YWHAE: variants seen among roughly 807,000 people sequenced by gnomAD.
YWHAE encodes tyrosine 3-monooxygenase/tryptophan 5-monooxygenase activation protein epsilon.
A neutral mutation model predicts 30.1 loss-of-function variants in YWHAE; 4 were observed. That is an observed-to-expected ratio of 0.13 (90% CI 0.07 to 0.30). The LOEUF is 0.30. YWHAE is among the 10% of genes least tolerant of loss of function. YWHAE has a pLI of 1.00. For synonymous variants in YWHAE, 118 were observed against 111.8 expected (o/e 1.06, Z -0.35); for missense variants, 121 against 315.9 (o/e 0.38, Z 4.68).
intron 1 of YWHAE, among the ~76,000 whole-genome samples, chr17:1,372,614 ATT>A (rs1438568630): frequency 1.3e-5 from 2 of 152,174 alleles, no homozygotes; most frequent in Non-Finnish European, 2.9e-5. Context: ...TAATTTAAAT[ATT>A]GTTATGTTTC....
At chr17:1,355,626 T>C (rs761329087) in intron 4 of YWHAE, among the ~76,000 whole-genome samples, 1 of 152,152 alleles carries the variant, frequency 6.6e-6, no homozygotes, top group Non-Finnish European at 1.5e-5. Flanking sequence ...TACTGAGTAC[T>C]GTGTACTATG....
chr17:1,386,573 A>T (rs1330387624), intron 1 of YWHAE, among the ~76,000 whole-genome samples: 2 of 152,236 alleles, frequency 1.3e-5, no homozygotes, highest in Non-Finnish European at 2.9e-5. Context: ...AAGGCTTTTC[A>T]AAAGACAATA....
At chr17:1,390,625 C>G (rs2073375585) in intron 1 of YWHAE, among the ~76,000 whole-genome samples, 1 of 152,168 alleles carries the variant, frequency 6.6e-6, no homozygotes, top group African/African-American at 2.4e-5. Flanking sequence ...GATAAGGAAC[C>G]CAGTGATTCC....
intron 1 of YWHAE, 139 bp from the exon 2 acceptor site, chr17:1,365,197 A>AT: frequency 9.8e-7 from 1 of 1,017,944 alleles, no homozygotes; most frequent in South Asian, 1.7e-5. Context: ...CAAAACTAAT[A>AT]TGAGTAAAAA....
At chr17:1,396,407 G>C (rs1258335429) in intron 1 of YWHAE, among the ~76,000 whole-genome samples, 3 of 152,180 alleles carry the variant, frequency 2.0e-5, no homozygotes, top group Non-Finnish European at 4.4e-5. Flanking sequence ...CTGGGAGACA[G>C]AGCGAGACTC....
chr17:1,353,461 G>GAA, intron 5 of YWHAE, among the ~76,000 whole-genome samples: 1 of 140,052 alleles, frequency 7.1e-6, no homozygotes, highest in Non-Finnish European at 1.5e-5. Flanking sequence ...GAAAAGAAAA[G>GAA]AAAAGAAAAG....
intron 1 of YWHAE, among the ~76,000 whole-genome samples, chr17:1,396,367 T>G (rs2073471456): frequency 6.6e-6 from 1 of 151,586 alleles, no homozygotes; most frequent in Non-Finnish European, 1.5e-5. Flanking sequence ...GAGGTTGCAG[T>G]GGGCCGAGAT....
intron 1 of YWHAE, chr17:1,399,277 G>A (rs1216394282): frequency 6.6e-6 from 1 of 152,158 alleles, no homozygotes; most frequent in Non-Finnish European, 1.5e-5. Context: ...CTGAGGAAAG[G>A]GAGGGAGTGA....
At chr17:1,359,903 G>C (rs2072829680) in intron 4 of YWHAE, among the ~76,000 whole-genome samples, 1 of 118,976 alleles carries the variant, frequency 8.4e-6, no homozygotes, top group Non-Finnish European at 1.7e-5. Context: ...GAGACGGGGA[G>C]AGAGAGGGAG....
chr17:1,373,403 C>T (rs1161612866), intron 1 of YWHAE, among the ~76,000 whole-genome samples: 1 of 151,252 alleles, frequency 6.6e-6, no homozygotes, highest in African/African-American at 2.4e-5. Flanking sequence ...GGTGGACTCA[C>T]GCCTGTAATC....
intron 1 of YWHAE, among the ~76,000 whole-genome samples, chr17:1,392,813 G>T (rs2073408572): frequency 6.6e-6 from 1 of 151,348 alleles, no homozygotes; most frequent in African/African-American, 2.4e-5. Context: ...TCACGCCACT[G>T]CACTCCAGCC....
chr17:1,388,983 T>G (rs2073349700), intron 1 of YWHAE, among the ~76,000 whole-genome samples: 1 of 152,224 alleles, frequency 6.6e-6, no homozygotes, highest in Non-Finnish European at 1.5e-5. Flanking sequence ...CTTTCCTTTT[T>G]GAGACAGGGT....
intron 1 of YWHAE, among the ~76,000 whole-genome samples, chr17:1,393,950 C>CA (rs1430975636): frequency 2.0e-5 from 3 of 152,090 alleles, no homozygotes; most frequent in Non-Finnish European, 4.4e-5. Context: ...GTCTACAATT[C>CA]ACCATGGATA....
intron 1 of YWHAE, among the ~76,000 whole-genome samples, chr17:1,378,288 C>G (rs1034421346): frequency 1.3e-5 from 2 of 152,212 alleles, no homozygotes; most frequent in African/African-American, 4.8e-5. Context: ...TATGAGAATG[C>G]TCAGGAATTG....
intron 1 of YWHAE, among the ~76,000 whole-genome samples, chr17:1,379,600 C>T (rs1718070797): frequency 6.6e-6 from 1 of 152,166 alleles, no homozygotes; most frequent in Non-Finnish European, 1.5e-5. Flanking sequence ...AACAAAATGT[C>T]AAATCTGTAG....
At chr17:1,398,063 T>C (rs781401335) in intron 1 of YWHAE, among the ~76,000 whole-genome samples, 6 of 152,228 alleles carry the variant, frequency 3.9e-5, no homozygotes, top group Non-Finnish European at 8.8e-5. Context: ...AAATCAGTTT[T>C]TTAAAGGAGC....
chr17:1,368,965 C>T (rs2150857363), intron 1 of YWHAE, among the ~76,000 whole-genome samples: 1 of 152,228 alleles, frequency 6.6e-6, no homozygotes, highest in Non-Finnish European at 1.5e-5. Flanking sequence ...TAATTTTGTT[C>T]AAATTTCTGT....
intron 5 of YWHAE, among the ~76,000 whole-genome samples, chr17:1,345,882 AAACTTTTTGC>A (rs1280997068): frequency 1.3e-5 from 2 of 152,342 alleles, no homozygotes; most frequent in South Asian, 2.1e-4. Context: ...AGTATTTTGC[AAACTTTTTGC>A]AAAATCTAAT....
intron 5 of YWHAE, 70 bp from the exon 6 acceptor site, chr17:1,345,569 G>C: frequency 6.6e-7 from 1 of 1,514,862 alleles, no homozygotes; most frequent in Non-Finnish European, 9.1e-7. Context: ...ACAAACAAAG[G>C]TGTCATTCCA....
Sources: allele counts gnomAD v4.1 joint callset (sites outside exome capture counted in the v4.1 genomes callset), GRCh38; gene constraint gnomAD v4.1.1; transcripts MANE v1.5; gene names NCBI Gene and HGNC (gene_info 2026-07-23, HGNC 2026-07-21).